GLYCTK: variants seen among roughly 807,000 people sequenced by gnomAD.
GLYCTK encodes the protein HBeAg binding protein 4.
Under a neutral mutation model 24.8 loss-of-function variants are expected in GLYCTK, and 22 were observed. The observed-to-expected ratio is 0.89, with a 90% CI of 0.63 to 1.27. The LOEUF (loss-of-function observed/expected upper bound fraction) is 1.27. Ranked by LOEUF, GLYCTK falls within the 50% of genes most tolerant of loss-of-function variation. The probability of loss-of-function intolerance (pLI) is 0.00; values close to 1 mark genes in which losing one functional copy is unlikely to be tolerated. For synonymous variants in GLYCTK, 320 were observed against 297.2 expected (o/e 1.08, Z -0.79); for missense variants, 684 against 686.7 (o/e 1.00, Z 0.04).
rs1700519386 is a variant in GLYCTK, at chr3:52,292,666, A to T, written c.1112A>T (p.Asp371Val). ...ATGGCTGGGGCTTCTGTGGAGGAAG[A>T]TGCACAGCTCCATGAGCTGGCAGCT... ...PSMAGASVEE[D>V]AQLHELAAEL... The change falls in exon 5 of 5, where the codon GAT becomes GTT. Residue 371 changes from aspartate (D) to valine (V), a missense_variant. Physicochemically the swap from Asp to Val is radical, Grantham distance 152. Coordinates refer to ENST00000436784, the MANE Select transcript of GLYCTK (RefSeq NM_145262.4). 6.2e-7 allele frequency: 1 copy of T among 1,606,730 alleles called. No individual in the cohort carries two copies. The highest frequency in any genetic ancestry group is 8.5e-7 in the Non-Finnish European group (1 of 1,174,894).
At position 52,290,541 on chromosome 3, in the gene GLYCTK, C is replaced by T. The variant is rs1228661024; in HGVS notation, c.199C>T (p.Gln67Ter). The T allele has an allele frequency of 9.9e-6, 16 of 1,613,554 alleles. No individual in the cohort carries two copies. The highest frequency in any genetic ancestry group is 1.3e-5 in the Non-Finnish European group (15 of 1,180,038). The change falls in exon 2 of 5, where the codon CAG becomes TAG. Residue 67 changes from glutamine (Q) to a stop codon, truncating the protein, a stop_gained. Transcript: ENST00000436784. LOFTEE classifies it high-confidence loss of function. ...RALSLDPGGR[Q>*]LKVRDRNFQL... ...ACTATCCTTGGACCCTGGTGGCAGACAGCTGAAGGTGCGGGACCGGAACTT... is the reference window on the plus strand; with the variant it reads ...ACTATCCTTGGACCCTGGTGGCAGATAGCTGAAGGTGCGGGACCGGAACTT...
Position 52,295,149 on chromosome 3 carries a change from A to G in GLYCTK, c.*2023A>G, listed in dbSNP as rs987743775. On this transcript the variant is annotated 3_prime_UTR_variant, in exon 5 of 5. Coordinates refer to ENST00000436784, the MANE Select transcript of GLYCTK (RefSeq NM_145262.4). ...TCACTGGATACCCCAGAGATAAGAA[A>G]GGATGTATTTGGCCACAGTCTAAAT... is the stretch of plus-strand genomic sequence containing the variant. The G allele has an allele frequency of 6.6e-6, 3 of 454,158 alleles. No homozygotes were observed. The highest frequency in any genetic ancestry group is 1.6e-5 in the South Asian group (1 of 64,476). The allele number at this position is 454,158 out of a possible 1,614,324, so 28.1% of individuals were successfully genotyped here.
rs1203521042 is a variant in GLYCTK, at chr3:52,295,053, G to T, written c.*1927G>T. The T allele has an allele frequency of 2.2e-6, 1 of 454,076 alleles. No individual in the cohort carries two copies. Among genetic ancestry groups the T allele is most frequent in the South Asian group, 1.6e-5 (1 of 64,476 alleles). 28.1% of individuals were successfully genotyped at this position (454,076 alleles called of 1,614,324 possible). A position where few individuals can be genotyped will look rare whatever the true frequency, so the allele number is the denominator to read the frequency against. ...CTTCCCTATACTTCTGTTTGTAGGG[G>T]CTGGGAGGCCAGGGCCCGGATTGGA... On this transcript the variant is annotated 3_prime_UTR_variant, in exon 5 of 5. Transcript: ENST00000436784.
chr3:52,289,092 C>A (rs1035456922), intron 1 of GLYCTK: 2 of 151,584 alleles, frequency 1.3e-5, no homozygotes, highest in Non-Finnish European at 2.9e-5. Context: ...TCTCATTTTG[C>A]GGATGAGGCC....
At position 52,293,183 on chromosome 3, in the gene GLYCTK, G is replaced by A; in HGVS notation, c.*57G>A. ...AGGCCTACAAGGGCAAGGTCAGATG[G>A]CAGAGCAAGGTTGGTCCTCAGGGCC... On this transcript the variant is annotated 3_prime_UTR_variant, in exon 5 of 5. Transcript: ENST00000436784. 2 of 1,595,002 alleles carry A rather than the reference G, an allele frequency of 1.3e-6. No homozygotes were observed. The highest frequency in any genetic ancestry group is 8.6e-7 in the Non-Finnish European group (1 of 1,169,138).
In GLYCTK at chr3:52,292,516, G is replaced by C; in HGVS notation, c.962G>C (p.Arg321Pro). ...GTGCTGGCGCTAGCTGAGGCCCAGCGGCAGGCCGAGGCACTGGGCTACCAG... is the reference window on the plus strand; with the variant it reads ...GTGCTGGCGCTAGCTGAGGCCCAGCCGCAGGCCGAGGCACTGGGCTACCAG... ...SNVLALAEAQ[R>P]QAEALGYQAV... Residue 321 changes from arginine to proline, a missense_variant, in exon 5 of 5, where the codon CGG (arginine) becomes CCG (proline). Arg to Pro is a moderately radical substitution (Grantham distance 103). Transcript: ENST00000436784. The C allele has an allele frequency of 6.2e-7, 1 of 1,613,778 alleles. No individual in the cohort carries two copies. The highest frequency in any genetic ancestry group is 8.5e-7 in the Non-Finnish European group (1 of 1,179,994).
intron 1 of GLYCTK, 141 bp downstream of exon 1, chr3:52,288,017 C>A (rs965367431): frequency 4.0e-5 from 12 of 303,396 alleles, no homozygotes; most frequent in African/African-American, 2.2e-4. Context: ...TAAGGCCCTA[C>A]CTTAGGATGA....
At position 52,290,709 on chromosome 3, in the gene GLYCTK, G is replaced by C. The variant is rs1158509333; in HGVS notation, c.367G>C (p.Ala123Pro). ...GGGGATCCGTGCTGCCATGGAGCGTGCCGGCAAGCAGTAAGGAGCCATGGG... is the reference window on the plus strand; with the variant it reads ...GGGGATCCGTGCTGCCATGGAGCGTCCCGGCAAGCAGTAAGGAGCCATGGG... ...PKGIRAAMER[A>P]GKQEMLLKPH... Residue 123 changes from alanine to proline, a missense_variant, in exon 2 of 5, where the codon GCC (alanine) becomes CCC (proline). Ala to Pro is a conservative substitution (Grantham distance 27). Transcript: ENST00000436784. 6.2e-7 allele frequency: 1 copy of C among 1,611,238 alleles called. No individual in the cohort carries two copies. The highest frequency in any genetic ancestry group is 1.3e-5 in the African/African-American group (1 of 74,866).
chr3:52,292,324 C>T lies in GLYCTK; in HGVS notation c.770C>T (p.Thr257Ile). ...DPVEVIASGP[T>I]VASSHNVQDC... ...GTGGAGGTGATTGCCAGTGGCCCCA[C>T]CGTGGCCAGTTCCCACAATGTGCAA... is the stretch of plus-strand genomic sequence containing the variant. The change falls in exon 5 of 5, where the codon ACC becomes ATC. Residue 257 changes from threonine (T) to isoleucine (I), a missense_variant. Physicochemically the swap from Thr to Ile is moderately conservative, Grantham distance 89 (BLOSUM62 -1). Coordinates refer to ENST00000436784, the MANE Select transcript of GLYCTK (RefSeq NM_145262.4). 2 of 1,613,902 alleles carry T rather than the reference C, an allele frequency of 1.2e-6. No homozygotes were observed. Among genetic ancestry groups the T allele is most frequent in the Non-Finnish European group, 1.7e-6 (2 of 1,179,940 alleles).
intron 1 of GLYCTK, among the ~76,000 whole-genome samples, chr3:52,288,255 C>T (rs1343711967): frequency 6.6e-6 from 1 of 152,196 alleles, no homozygotes; most frequent in Non-Finnish European, 1.5e-5. Context: ...CTCTGTCACC[C>T]AGGCTGGAGT....
At position 52,290,583 on chromosome 3, in the gene GLYCTK, C is replaced by T. The variant is rs1700431479; in HGVS notation, c.241C>T (p.Leu81Phe). ...RDRNFQLRQN[L>F]YLVGFGKAVL... ...CCGGAACTTTCAGCTGAGGCAAAAC[C>T]TCTACCTGGTGGGCTTTGGCAAGGC... The change falls in exon 2 of 5, where the codon CTC (leucine) becomes TTC (phenylalanine). Residue 81 changes from leucine (L) to phenylalanine (F), a missense_variant. Transcript: ENST00000436784. 5 of 1,613,820 alleles carry T rather than the reference C, an allele frequency of 3.1e-6. No individual in the cohort carries two copies. In the Admixed American group the frequency reaches 5.0e-5, roughly 16 times the overall value.
rs748375314 is a variant in GLYCTK at position 52,292,455 on chromosome 3, T to C, written c.901T>C (p.Cys301Arg). 12 of 1,612,942 alleles carry C rather than the reference T, an allele frequency of 7.4e-6. No individual in the cohort carries two copies. Among genetic ancestry groups the C allele is most frequent in the Admixed American group, 1.7e-5 (1 of 60,002 alleles). The change falls in exon 5 of 5, where the codon TGT (cysteine) becomes CGT (arginine). Residue 301 changes from cysteine (C) to arginine (R), a missense_variant. Cys to Arg is a radical substitution (Grantham distance 180). Transcript: ENST00000436784. ...CTCTGACCCCCATGGGCCACACACC[T>C]GTGGCCATGTCCTGAATGTGATCAT... ...ADSDPHGPHT[C>R]GHVLNVIIGS...
intron 3 of GLYCTK, chr3:52,291,433 T>A (rs548956084): frequency 2.2e-5 from 13 of 579,850 alleles, no homozygotes; most frequent in Non-Finnish European, 3.4e-5. Flanking sequence ...TAATGTCACC[T>A]GGGGCTAGGC....
At chr3:52,288,680 C>G (rs1700365624) in intron 1 of GLYCTK, 1 of 152,184 alleles carries the variant, frequency 6.6e-6, no homozygotes, top group South Asian at 2.1e-4. Context: ...CTGTCCTGTG[C>G]TCATACCCAG....
In GLYCTK at chr3:52,294,493, C is replaced by G. The variant is rs760996280; in HGVS notation, c.*1367C>G. On this transcript the variant is annotated 3_prime_UTR_variant, in exon 5 of 5. Transcript: ENST00000436784. Reference sequence around the variant, plus strand: ...GGGGGCCTGGCTCACACAGGGCAGGCTGGAGATTGGGAGGGAGGTAAACGT... The same window carrying G: ...GGGGGCCTGGCTCACACAGGGCAGGGTGGAGATTGGGAGGGAGGTAAACGT... 5.1e-6 allele frequency: 2 copies of G among 392,244 alleles called. No homozygotes were observed. Among genetic ancestry groups the G allele is most frequent in the African/African-American group, 2.1e-5 (1 of 47,890 alleles). 24.3% of individuals were successfully genotyped at this position (392,244 alleles called of 1,614,324 possible). A position where few individuals can be genotyped will look rare whatever the true frequency, so the allele number is the denominator to read the frequency against.
At position 52,294,957 on chromosome 3, in the gene GLYCTK, C is replaced by G. The variant is rs77049753; in HGVS notation, c.*1831C>G. ...TACTTAGTACAGGGCACATGACTCC[C>G]TGCATCCCTGCTGAGGGCTTTGGGT... On this transcript the variant is annotated 3_prime_UTR_variant, in exon 5 of 5. Coordinates refer to ENST00000436784, the MANE Select transcript of GLYCTK (RefSeq NM_145262.4). 8.7e-4 allele frequency: 393 copies of G among 454,062 alleles called. No individual in the cohort carries two copies. The highest frequency in any genetic ancestry group is 7.3e-3 in the African/African-American group (366 of 50,100). 28.1% of individuals were successfully genotyped at this position (454,062 alleles called of 1,614,324 possible). A position where few individuals can be genotyped will look rare whatever the true frequency, so the allele number is the denominator to read the frequency against.
chr3:52,292,420 C>G lies in GLYCTK; in HGVS notation c.866C>G (p.Ser289Cys). 6.2e-7 allele frequency: 1 copy of G among 1,613,614 alleles called. No homozygotes were observed. The highest frequency in any genetic ancestry group is 8.5e-7 in the Non-Finnish European group (1 of 1,179,948). ...CCACGTTCTGTGAAGACTGTGCTGT[C>G]TCGGGCCGACTCTGACCCCCATGGG... is the stretch of plus-strand genomic sequence containing the variant. ...ALPRSVKTVL[S>C]RADSDPHGPH... Residue 289 changes from serine to cysteine, a missense_variant, in exon 5 of 5, where the codon TCT (serine) becomes TGT (cysteine). Coordinates refer to ENST00000436784, the MANE Select transcript of GLYCTK (RefSeq NM_145262.4).
chr3:52,291,313 A>G, intron 3 of GLYCTK: 1 of 635,612 alleles, frequency 1.6e-6, no homozygotes, highest in Non-Finnish European at 2.8e-6. Flanking sequence ...CCTCCCCCTG[A>G]GCTGACCTTT....
At position 52,292,627 on chromosome 3, in the gene GLYCTK, G is replaced by C; in HGVS notation, c.1073G>C (p.Arg358Pro). 6.2e-7 allele frequency: 1 copy of C among 1,610,654 alleles called. No homozygotes were observed. The highest frequency in any genetic ancestry group is 8.5e-7 in the Non-Finnish European group (1 of 1,177,618). Reference sequence around the variant, plus strand: ...CTGCTGGCCCATGTGGCTAGAACCCGCCTCACCCCATCCATGGCTGGGGCT... The same window carrying C: ...CTGCTGGCCCATGTGGCTAGAACCCCCCTCACCCCATCCATGGCTGGGGCT... ...YGLLAHVARTRLTPSMAGASV... is the reference protein window; with the variant it reads ...YGLLAHVARTPLTPSMAGASV... The change falls in exon 5 of 5, where the codon CGC (arginine) becomes CCC (proline). Residue 358 changes from arginine (R) to proline (P), a missense_variant. By Grantham distance (103) the Arg-to-Pro change is moderately radical. Coordinates refer to ENST00000436784, the MANE Select transcript of GLYCTK (RefSeq NM_145262.4).
Sources: allele counts gnomAD v4.1 joint callset (sites outside exome capture counted in the v4.1 genomes callset), GRCh38; gene constraint gnomAD v4.1.1; transcripts MANE v1.5; gene names NCBI Gene and HGNC (gene_info 2026-07-23, HGNC 2026-07-21).